EDA: variants seen among roughly 807,000 people sequenced by gnomAD.
EDA encodes ectodysplasin-A.
A neutral mutation model predicts 23.6 loss-of-function variants in EDA; 2 were observed. The ratio of observed to expected loss-of-function variants is 0.08; its 90% CI spans 0.03 to 0.27. The LOEUF (loss-of-function observed/expected upper bound fraction) is 0.27, where lower values mean the gene tolerates loss of function less well. Ranked by LOEUF, EDA falls within the 10% of genes least tolerant of loss-of-function variation. EDA has a pLI of 1.00. For synonymous variants in EDA, 131 were observed against 132.0 expected, an observed-to-expected ratio of 0.99 and a Z score of 0.05; for missense variants, 229 against 324.2, an observed-to-expected ratio of 0.71 and a Z score of 2.26.
intron 2 of EDA, among the ~76,000 whole-genome samples, chrX:70,005,004 G>T (rs988224239): frequency 1.1e-4 from 12 of 111,742 alleles, no homozygotes; most frequent in African/African-American, 3.6e-4. Flanking sequence ...GCTGAGGCAG[G>T]AGGATTGCGT....
chrX:69,925,907 G>T (rs1037963757), intron 1 of EDA, among the ~76,000 whole-genome samples: 1 of 109,149 alleles, frequency 9.2e-6, no homozygotes, highest in Non-Finnish European at 1.9e-5. Context: ...ATGTGTCCAG[G>T]AATTTATCCA....
At chrX:70,035,263 C>G in intron 7 of EDA, 95 bp from the exon 8 acceptor site, 1 of 1,021,958 alleles carries the variant, frequency 9.8e-7, no homozygotes, top group Non-Finnish European at 1.3e-6. Context: ...ATACTAACAG[C>G]TCATCTGAGA....
At chrX:69,961,159 G>C (rs776765606) in intron 2 of EDA, among the ~76,000 whole-genome samples, 1 of 111,964 alleles carries the variant, frequency 8.9e-6, no homozygotes, top group African/African-American at 3.2e-5. Flanking sequence ...ATTTTTAGTA[G>C]AGACTGGGTT....
chrX:69,828,537 C>G (rs771753655), intron 1 of EDA, among the ~76,000 whole-genome samples: 9 of 112,308 alleles, frequency 8.0e-5, no homozygotes, highest in African/African-American at 2.9e-4. Context: ...CCAAGTGAGG[C>G]AATGCCTCCC....
At chrX:69,788,514 A>C (rs924555040) in intron 1 of EDA, among the ~76,000 whole-genome samples, 2 of 111,925 alleles carry the variant, frequency 1.8e-5, no homozygotes, top group Admixed American at 1.9e-4. Flanking sequence ...TCTAACAGAC[A>C]GGACCCTCAG....
At chrX:69,667,125 T>C (rs113951864) in intron 1 of EDA, among the ~76,000 whole-genome samples, 16 of 65,649 alleles carry the variant, frequency 2.4e-4, no homozygotes, top group Non-Finnish European at 3.5e-4. Flanking sequence ...TTTTCTTTTT[T>C]TTTTTTTTTT....
chrX:69,778,402 T>C (rs2014846856), intron 1 of EDA, among the ~76,000 whole-genome samples: 1 of 111,321 alleles, frequency 9.0e-6, no homozygotes, highest in African/African-American at 3.3e-5. Context: ...CAGTAATAAA[T>C]AGTGATCTAA....
At chrX:69,677,759 T>G (rs1451225363) in intron 1 of EDA, among the ~76,000 whole-genome samples, 1 of 111,953 alleles carries the variant, frequency 8.9e-6, no homozygotes, top group Non-Finnish European at 1.9e-5. Flanking sequence ...GAAAATTTTC[T>G]CCCATTCTGT....
intron 1 of EDA, among the ~76,000 whole-genome samples, chrX:69,925,318 A>G (rs1268373006): frequency 8.9e-6 from 1 of 111,834 alleles, no homozygotes; most frequent in Non-Finnish European, 1.9e-5. Context: ...ATTTTGACAT[A>G]TGTTCCATCA....
At chrX:69,792,599 AT>A (rs1186128789) in intron 1 of EDA, among the ~76,000 whole-genome samples, 4 of 112,471 alleles carry the variant, frequency 3.6e-5, no homozygotes, top group Non-Finnish European at 5.6e-5. Context: ...GTCTAAAAAA[AT>A]ATTCCCTTTC....
At chrX:69,663,783 G>A (rs1426783061) in intron 1 of EDA, among the ~76,000 whole-genome samples, 2 of 112,514 alleles carry the variant, frequency 1.8e-5, no homozygotes, top group South Asian at 3.7e-4. Flanking sequence ...AGCCACAGGG[G>A]TGGAGCTGCC....
chrX:69,696,972 C>T (rs1422325166), intron 1 of EDA, among the ~76,000 whole-genome samples: 2 of 111,878 alleles, frequency 1.8e-5, no homozygotes, highest in East Asian at 2.8e-4. Context: ...CAGTTATCTG[C>T]GATCAATTGC....
chrX:69,836,216 G>C (rs1309684094), intron 1 of EDA, among the ~76,000 whole-genome samples: 1 of 112,587 alleles, frequency 8.9e-6, no homozygotes, highest in African/African-American at 3.2e-5. Flanking sequence ...GAGGCAGTCT[G>C]TCCATTCTCA....
chrX:69,737,624 T>TA (rs1429625829), intron 1 of EDA, among the ~76,000 whole-genome samples: 2 of 112,499 alleles, frequency 1.8e-5, no homozygotes, highest in African/African-American at 6.4e-5. Flanking sequence ...TAAGAAGAAT[T>TA]AAAAAATGAT....
chrX:69,946,982 A>G (rs1278073363), intron 1 of EDA, among the ~76,000 whole-genome samples: 1 of 112,727 alleles, frequency 8.9e-6, no homozygotes, highest in Non-Finnish European at 1.9e-5. Flanking sequence ...ATTCACAATT[A>G]AGAGGTTGTG....
intron 1 of EDA, among the ~76,000 whole-genome samples, chrX:69,882,617 ACAT>A (rs1043041430): frequency 2.7e-5 from 3 of 112,055 alleles, no homozygotes; most frequent in African/African-American, 9.7e-5. Flanking sequence ...TTAGGCAGAA[ACAT>A]CATCCTCTAA....
intron 1 of EDA, among the ~76,000 whole-genome samples, chrX:69,647,683 C>A (rs1602250019): frequency 1.8e-5 from 2 of 111,896 alleles, no homozygotes; most frequent in African/African-American, 6.5e-5. Context: ...CTGAAGCCCA[C>A]TTCCATCTAT....
At chrX:69,719,675 A>T (rs1029113495) in intron 1 of EDA, among the ~76,000 whole-genome samples, 4 of 110,281 alleles carry the variant, frequency 3.6e-5, no homozygotes, top group African/African-American at 1.3e-4. Context: ...TGCAAAAGAC[A>T]TTATTTTGTT....
At chrX:70,024,613 A>C (rs2020083393) in intron 3 of EDA, among the ~76,000 whole-genome samples, 1 of 112,778 alleles carries the variant, frequency 8.9e-6, no homozygotes, top group South Asian at 3.6e-4. Context: ...TAGGCTTTAA[A>C]CATTTACTTT....
Sources: allele counts gnomAD v4.1 joint callset (sites outside exome capture counted in the v4.1 genomes callset), GRCh38; gene constraint gnomAD v4.1.1; transcripts MANE v1.5; gene names NCBI Gene and HGNC (gene_info 2026-07-23, HGNC 2026-07-21).